FAAP20: variants seen among roughly 807,000 people sequenced by gnomAD.
The protein encoded by FAAP20 is FA core complex associated protein 20, also known as Fanconi anemia core complex-associated protein 20.
In FAAP20, 12 loss-of-function variants were observed where a neutral mutation model predicts 16.2. That is an observed-to-expected ratio of 0.74 (90% CI 0.48 to 1.20). The LOEUF (loss-of-function observed/expected upper bound fraction) is 1.20. Among genes scored for constraint, FAAP20 ranks in the 50% most tolerant of loss-of-function variants. The pLI, the probability that FAAP20 is intolerant of heterozygous loss-of-function variation, is 0.00. For synonymous variants in FAAP20, 141 were observed against 110.7 expected (o/e 1.27, Z -1.72); for missense variants, 288 against 245.8 (o/e 1.17, Z -1.15).
At chr1:2,196,442 C>T (rs1688827715), upstream of FAAP20, among the ~76,000 whole-genome samples, 2 of 151,780 alleles carry the variant, frequency 1.3e-5, no homozygotes, top group South Asian at 4.2e-4. This position sits in a 1 kb window ranked among gnomAD's most constrained non-coding sequence, Gnocchi z 4.5. Context: ...CCTGTGGTCC[C>T]ACCTACTTGG....
intron 1 of FAAP20, 184 bp from the exon 2 acceptor site, chr1:2,194,317 A>T: frequency 3.8e-4 from 4 of 10,450 alleles, no homozygotes; most frequent in Non-Finnish European, 5.6e-4. Flanking sequence ...TGCGGAGATG[A>T]GGGGTACTGG....
intron 2 of FAAP20, 32 bp downstream of exon 2, chr1:2,193,966 C>T (rs1378941359): frequency 1.2e-6 from 2 of 1,612,052 alleles, no homozygotes; most frequent in Admixed American, 1.7e-5. Flanking sequence ...CTGGAAACCC[C>T]TTCATCGCTA....
At chr1:2,201,124 T>C, upstream of FAAP20, 1 of 1,286,428 alleles carries the variant, frequency 7.8e-7, no homozygotes, top group African/African-American at 1.5e-5. Context: ...CTGTGAACTG[T>C]GGGCTCCAAC....
chr1:2,190,659 T>G lies in FAAP20; in HGVS notation c.471-878A>C, dbSNP rs1008694092. The G allele has an allele frequency of 1.3e-4, 44 of 342,710 alleles. No individual in the cohort carries two copies. In the East Asian group the frequency reaches 3.3e-3, roughly 25 times the overall value. 21.2% of individuals were successfully genotyped at this position (342,710 alleles called of 1,614,324 possible). A position where few individuals can be genotyped will look rare whatever the true frequency, so the allele number is the denominator to read the frequency against. ...CCGGGGACGATGTCCCGGGGCTGAGTGGGCGGCTTCAGCCTAGACTTGGGC... is the reference window on the plus strand; with the variant it reads ...CCGGGGACGATGTCCCGGGGCTGAGGGGGCGGCTTCAGCCTAGACTTGGGC... On this transcript the variant is annotated intron_variant, in intron 3 of 3. Transcript: ENST00000378546.
chr1:2,199,129 C>T (rs557303439), upstream of FAAP20: 413 of 1,184,180 alleles, frequency 3.5e-4, no homozygotes, highest in Non-Finnish European at 4.2e-4. This position sits in a 1 kb window ranked among gnomAD's most constrained non-coding sequence, Gnocchi z 4.5. Flanking sequence ...GGCCCTGGCC[C>T]GGGAGAGACA....
chr1:2,196,382 C>T (rs1688823823), upstream of FAAP20, among the ~76,000 whole-genome samples: 1 of 150,284 alleles, frequency 6.7e-6, no homozygotes. This position sits in a 1 kb window ranked among gnomAD's most constrained non-coding sequence, Gnocchi z 4.5. Context: ...GGCAACATGG[C>T]AAGACCTTGT....
Position 2,205,941 on chromosome 1 carries a change from G to C in FAAP20, n.451+364C>G, listed in dbSNP as rs1402126520. 3.9e-5 allele frequency among the ~76,000 whole-genome samples: 6 copies of C among 152,370 alleles called. No individual in the cohort carries two copies. The South Asian group carries it at 1.2e-3, about 32-fold the overall frequency. ...CCTTAAAAGGTCTTCATTCCTTTTC[G>C]GTCTGATCTGAGAGCCGAGCTCTCG... On this transcript the variant is annotated intron_variant and non_coding_transcript_variant, in intron 3 of 7. Coordinates refer to the FAAP20 transcript ENST00000469733.
upstream of FAAP20, among the ~76,000 whole-genome samples, chr1:2,202,723 C>T (rs1202239128): frequency 6.6e-6 from 1 of 152,132 alleles, no homozygotes. Flanking sequence ...CGATCCTCTT[C>T]CCTCGGCCTC....
intron 3 of FAAP20, among the ~76,000 whole-genome samples, chr1:2,205,020 A>T (rs1290353768): frequency 2.4e-5 from 1 of 41,894 alleles, no homozygotes; most frequent in Non-Finnish European, 4.6e-5. Context: ...CGGGCTCCCC[A>T]CGCCCCGCCC....
downstream of FAAP20, chr1:2,185,154 C>T (rs1275789694): frequency 9.8e-6 from 8 of 815,528 alleles, no homozygotes; most frequent in East Asian, 5.3e-5. Flanking sequence ...GAAGCGTCAG[C>T]GGGCGCTGCT....
At chr1:2,185,127 C>A, downstream of FAAP20, 1 of 977,594 alleles carries the variant, frequency 1.0e-6, no homozygotes, top group Non-Finnish European at 1.6e-6. Context: ...CAGACGCTTG[C>A]GCCGAGACCG....
upstream of FAAP20, among the ~76,000 whole-genome samples, chr1:2,195,987 C>G (rs1688803744): frequency 6.6e-6 from 1 of 152,174 alleles, no homozygotes; most frequent in South Asian, 2.1e-4. Context: ...GGGGGAGCTG[C>G]TGCAGGCCGT....
chr1:2,190,442 A>G, intron 3 of FAAP20: 1 of 443,950 alleles, frequency 2.3e-6, no homozygotes, highest in Non-Finnish European at 4.6e-6. Context: ...CTGGGCATCC[A>G]GTGGGGCCGG....
upstream of FAAP20, among the ~76,000 whole-genome samples, chr1:2,204,904 C>T (rs1330211709): frequency 1.0e-4 from 14 of 138,020 alleles, no homozygotes; most frequent in Non-Finnish European, 1.4e-4. Context: ...AGCCCCGCCC[C>T]TCAAGCCCCC....
upstream of FAAP20, chr1:2,198,912 C>A (rs1461719703): frequency 6.2e-6 from 8 of 1,289,690 alleles, no homozygotes; most frequent in African/African-American, 1.2e-4. Flanking sequence ...GCCAGGCAGA[C>A]AGGCTGTGAG....
chr1:2,189,692 G>T lies in FAAP20; in HGVS notation c.*17C>A. ...GTGTCCGGGCGCCGCACTCTGCGCA[G>T]GGCTCTTGGATGGCGCTCACCACGT... On this transcript the variant is annotated 3_prime_UTR_variant, in exon 4 of 4. Coordinates refer to ENST00000378546, the MANE Select transcript of FAAP20 (RefSeq NM_182533.4). 1 of 1,605,976 alleles carries T rather than the reference G, an allele frequency of 6.2e-7. No individual in the cohort carries two copies. Among genetic ancestry groups the T allele is most frequent in the Non-Finnish European group, 8.5e-7 (1 of 1,175,064 alleles).
At chr1:2,185,859 G>T (rs143730662), downstream of FAAP20, 425 of 388,370 alleles carry the variant, frequency 1.1e-3, 1 homozygote, top group African/African-American at 8.1e-3. Flanking sequence ...TGAGAGTTAG[G>T]GAAAACTAAA....
intron 3 of FAAP20, 147 bp downstream of exon 3, chr1:2,193,492 C>G (rs752779183): frequency 5.4e-6 from 7 of 1,286,824 alleles, no homozygotes; most frequent in Non-Finnish European, 7.3e-6. Context: ...CCTGGACATG[C>G]CAGGCCACAG....
upstream of FAAP20, among the ~76,000 whole-genome samples, chr1:2,204,315 A>G (rs1227341117): frequency 6.6e-6 from 1 of 152,222 alleles, no homozygotes; most frequent in Non-Finnish European, 1.5e-5. Flanking sequence ...TCCTGAATGG[A>G]GGTGCACGCA....
Sources: gnomAD v4.1 joint callset for allele counts (sites outside exome capture counted in the v4.1 genomes callset) on GRCh38, gnomAD v4.1.1 for gene constraint, Gnocchi (gnomAD v3.1) non-coding constraint, MANE v1.5 for transcripts, NCBI Gene and HGNC (gene_info 2026-07-23, HGNC 2026-07-21) for gene names.